The following KIF15 variants were observed in gnomAD, a reference collection of about 807,000 sequenced individuals.
KIF15 encodes the protein kinesin-like protein KIF15.
Under a neutral mutation model 190.6 loss-of-function variants are expected in KIF15, and 140 were observed. The observed-to-expected ratio is 0.73, with a 90% CI of 0.64 to 0.84. The LOEUF (loss-of-function observed/expected upper bound fraction) is 0.84, where lower values mean the gene tolerates loss of function less well. KIF15 is among the 40% of genes least tolerant of loss of function. The pLI, the probability that KIF15 is intolerant of heterozygous loss-of-function variation, is 0.00. For missense variants in KIF15, 1,372 were observed against 1,584.4 expected, an observed-to-expected ratio of 0.87 and a Z score of 2.28; for synonymous variants, 528 against 551.3, an observed-to-expected ratio of 0.96 and a Z score of 0.59.
intron 6 of KIF15, among the ~76,000 whole-genome samples, chr3:44,859,240 C>T (rs1484870368): frequency 6.6e-6 from 1 of 152,228 alleles, no homozygotes; most frequent in Non-Finnish European, 1.5e-5. Flanking sequence ...TGGGGTTTCT[C>T]TCACAGTGGA....
intron 5 of KIF15, among the ~76,000 whole-genome samples, chr3:44,781,879 T>C (rs1266373510): frequency 1.3e-5 from 2 of 152,210 alleles, no homozygotes; most frequent in African/African-American, 4.8e-5. Context: ...GCTTGACTTT[T>C]TCTTACTCAT....
At chr3:44,782,074 G>A (rs567811564) in intron 5 of KIF15, among the ~76,000 whole-genome samples, 2 of 151,764 alleles carry the variant, frequency 1.3e-5, no homozygotes, top group South Asian at 4.2e-4. Context: ...TTTTGAGACG[G>A]AGCCTGCCCC....
intron 26 of KIF15, among the ~76,000 whole-genome samples, chr3:44,835,117 A>G (rs114780480): frequency 3.6e-3 from 545 of 152,204 alleles, no homozygotes; most frequent in African/African-American, 0.013. Flanking sequence ...TGTTAAGAAC[A>G]TAAAACTTTA....
chr3:44,862,155 G>C, intron 6 of KIF15: 1 of 1,136,520 alleles, frequency 8.8e-7, no homozygotes, highest in Non-Finnish European at 1.1e-6. Flanking sequence ...TGCTGCGGGC[G>C]GGCGGGCGGG....
chr3:44,849,291 A>C (rs1245848654), intron 32 of KIF15, among the ~76,000 whole-genome samples: 2 of 152,232 alleles, frequency 1.3e-5, no homozygotes, highest in African/African-American at 4.8e-5. Context: ...GTTACAAAGA[A>C]TAGACATTCT....
At chr3:44,778,804 C>T (rs1336319266) in intron 4 of KIF15, among the ~76,000 whole-genome samples, 3 of 151,262 alleles carry the variant, frequency 2.0e-5, no homozygotes, top group Non-Finnish European at 4.4e-5. Context: ...CATGGTGAGA[C>T]CCCCGTCTCT....
chr3:44,868,078 C>T (rs1699339348), intron 6 of KIF15, among the ~76,000 whole-genome samples: 2 of 152,162 alleles, frequency 1.3e-5, no homozygotes, highest in African/African-American at 4.8e-5. Context: ...TTTATCACTC[C>T]AAAAGAAATT....
intron 30 of KIF15, among the ~76,000 whole-genome samples, chr3:44,847,669 A>T (rs942613597): frequency 6.6e-6 from 1 of 152,070 alleles, no homozygotes; most frequent in Non-Finnish European, 1.5e-5. Context: ...TTCACATTCG[A>T]TCTTCAGATG....
chr3:44,784,816 A>G (rs1196567204), intron 5 of KIF15, 29 bp from the exon 6 acceptor site: 1 of 1,163,404 alleles, frequency 8.6e-7, no homozygotes, highest in South Asian at 1.4e-5. Context: ...TAGAATAAAA[A>G]TCCAGTGTTT....
At chr3:44,784,136 A>G (rs1462998598) in intron 5 of KIF15, among the ~76,000 whole-genome samples, 2 of 152,178 alleles carry the variant, frequency 1.3e-5, no homozygotes, top group Non-Finnish European at 2.9e-5. Flanking sequence ...AAGCACTAAC[A>G]TGGCTCTAAG....
At chr3:44,821,266 C>T (rs35195370) in intron 20 of KIF15, among the ~76,000 whole-genome samples, 3 of 151,158 alleles carry the variant, frequency 2.0e-5, no homozygotes, top group African/African-American at 7.3e-5. Context: ...CTGACCCCCC[C>T]ACCTCCCTCC....
chr3:44,799,916 C>T (rs114568706), intron 10 of KIF15, among the ~76,000 whole-genome samples: 1,605 of 152,174 alleles, frequency 0.011, 18 homozygotes, highest in Middle Eastern at 0.027. Context: ...GCTCCTTCCC[C>T]GTAGGGAGCT....
At chr3:44,850,810 C>T (rs1393335684) in intron 32 of KIF15, among the ~76,000 whole-genome samples, 1 of 152,158 alleles carries the variant, frequency 6.6e-6, no homozygotes, top group African/African-American at 2.4e-5. Flanking sequence ...ATTATATCAT[C>T]TTAGCAATCA....
At chr3:44,802,199 T>C (rs149366687) in intron 13 of KIF15, among the ~76,000 whole-genome samples, 4 of 152,346 alleles carry the variant, frequency 2.6e-5, no homozygotes, top group Non-Finnish European at 5.9e-5. Flanking sequence ...TATGCTACTC[T>C]AGCAGGCCAC....
downstream of KIF15, among the ~76,000 whole-genome samples, chr3:44,856,924 G>T (rs1027058898): frequency 6.6e-6 from 1 of 152,180 alleles, no homozygotes; most frequent in Admixed American, 6.5e-5. Context: ...CTGAGTTAAG[G>T]CAGTGAGTTC....
At chr3:44,832,089 C>T (rs1403712402) in intron 26 of KIF15, among the ~76,000 whole-genome samples, 1 of 152,066 alleles carries the variant, frequency 6.6e-6, no homozygotes, top group Non-Finnish European at 1.5e-5. Context: ...CCTGGGGGCA[C>T]AGAAAAGGGA....
chr3:44,798,365 T>A (rs1707096392), intron 10 of KIF15, among the ~76,000 whole-genome samples: 1 of 151,336 alleles, frequency 6.6e-6, no homozygotes, highest in Non-Finnish European at 1.5e-5. Flanking sequence ...TTATTTATTT[T>A]TTATTTATTT....
At chr3:44,824,359 G>C (rs1211077934) in intron 20 of KIF15, among the ~76,000 whole-genome samples, 1 of 152,096 alleles carries the variant, frequency 6.6e-6, no homozygotes, top group East Asian at 1.9e-4. Context: ...AGAATGTGCT[G>C]TCTGGGTCAG....
At chr3:44,824,796 G>A (rs1478041744) in intron 20 of KIF15, among the ~76,000 whole-genome samples, 1 of 152,092 alleles carries the variant, frequency 6.6e-6, no homozygotes, top group Non-Finnish European at 1.5e-5. Flanking sequence ...GTCTCACTTT[G>A]TCACCCAGGC....
Sources: gnomAD v4.1 joint callset for allele counts (sites outside exome capture counted in the v4.1 genomes callset) on GRCh38, gnomAD v4.1.1 for gene constraint, MANE v1.5 for transcripts, NCBI Gene and HGNC (gene_info 2026-07-23, HGNC 2026-07-21) for gene names.